Variants in SPATA17 observed in about 807,000 individuals in gnomAD.
SPATA17 encodes the protein spermatogenesis-associated protein 17.
A neutral mutation model predicts 62.2 loss-of-function variants in SPATA17; 53 were observed. The observed-to-expected ratio is 0.85, with a 90% CI of 0.68 to 1.07. The LOEUF (loss-of-function observed/expected upper bound fraction) is 1.07. SPATA17 is among the 50% of genes least tolerant of loss of function. The pLI, the probability that SPATA17 is intolerant of heterozygous loss-of-function variation, is 0.00. For missense variants in SPATA17, 466 were observed against 425.5 expected (o/e 1.10, Z -0.84); for synonymous variants, 146 against 146.8 (o/e 0.99, Z 0.04).
chr1:217,700,306 A>G (rs944154987), intron 5 of SPATA17, among the ~76,000 whole-genome samples: 1 of 152,080 alleles, frequency 6.6e-6, no homozygotes, highest in Admixed American at 6.5e-5. Context: ...GATATTGTAC[A>G]TGTGTGTTGT....
chr1:217,723,431 A>G (rs1672186140), intron 5 of SPATA17, among the ~76,000 whole-genome samples: 1 of 152,092 alleles, frequency 6.6e-6, no homozygotes, highest in Admixed American at 6.6e-5. Flanking sequence ...CCTAACCCCC[A>G]ATCATCCCAC....
rs190128668 is a variant in SPATA17 at position 217,730,363 on chromosome 1, C to T, written c.396-11612C>T. 5.5e-3 allele frequency among the ~76,000 whole-genome samples: 833 copies of T among 151,846 alleles called. 4 individuals are homozygous for T. Among genetic ancestry groups the T allele is most frequent in the South Asian group, 0.011 (54 of 4,808 alleles). ...CTCAGAGTACCTGGGATTACAGGCA[C>T]GCACCACCACACCTGGCTTAGTTTT... On this transcript the variant is annotated intron_variant, in intron 5 of 10. Coordinates refer to ENST00000366933, the MANE Select transcript of SPATA17 (RefSeq NM_138796.4).
intron 5 of SPATA17, among the ~76,000 whole-genome samples, chr1:217,706,720 T>C (rs1424176557): frequency 1.3e-5 from 2 of 152,194 alleles, no homozygotes; most frequent in African/African-American, 4.8e-5. Context: ...TAATACACTA[T>C]CCGTGAGCAT....
chr1:217,856,299 C>T (rs1375179101), intron 9 of SPATA17, among the ~76,000 whole-genome samples: 1 of 152,174 alleles, frequency 6.6e-6, no homozygotes, highest in Admixed American at 6.5e-5. Context: ...AATTGCTTCA[C>T]ATGGATAAAC....
At chr1:217,848,773 T>C (rs1014189414) in intron 9 of SPATA17, among the ~76,000 whole-genome samples, 1 of 152,164 alleles carries the variant, frequency 6.6e-6, no homozygotes, top group African/African-American at 2.4e-5. Flanking sequence ...CTAATTCTTT[T>C]TTCTTTGTTT....
At chr1:217,652,537 C>CT (rs975975953) in intron 3 of SPATA17, among the ~76,000 whole-genome samples, 9 of 149,700 alleles carry the variant, frequency 6.0e-5, no homozygotes, top group African/African-American at 1.2e-4. Context: ...CCCGGCCAAA[C>CT]TTTTTTTTTT....
chr1:217,829,186 A>T (rs534767788), intron 9 of SPATA17, among the ~76,000 whole-genome samples: 7 of 152,272 alleles, frequency 4.6e-5, no homozygotes, highest in African/African-American at 1.7e-4. Flanking sequence ...ATATGGAAAC[A>T]ACCTAAATGT....
intron 9 of SPATA17, among the ~76,000 whole-genome samples, chr1:217,855,721 A>G (rs905556564): frequency 7.6e-6 from 1 of 132,136 alleles, no homozygotes. Context: ...AGAAAGACAG[A>G]AGGAACTATT....
chr1:217,645,094 A>G (rs903130854), intron 1 of SPATA17, among the ~76,000 whole-genome samples: 8 of 152,122 alleles, frequency 5.3e-5, no homozygotes, highest in Middle Eastern at 3.2e-3. Context: ...AGAAACATGT[A>G]TAGAAGTCAA....
At chr1:217,632,850 C>A (rs1396670463) in intron 1 of SPATA17, among the ~76,000 whole-genome samples, 2 of 152,102 alleles carry the variant, frequency 1.3e-5, no homozygotes, top group Non-Finnish European at 2.9e-5. Flanking sequence ...ATGAAATAAG[C>A]CCCATCCATC....
At position 217,777,432 on chromosome 1, in the gene SPATA17, C is replaced by T. The variant is rs528731413; in HGVS notation, c.723+2895C>T. Among the ~76,000 whole-genome samples the T allele has an allele frequency of 5.4e-4, 82 of 152,128 alleles. 1 individual carries two copies. Among genetic ancestry groups the T allele is most frequent in the Middle Eastern group, 6.8e-3 (2 of 294 alleles). On this transcript the variant is annotated intron_variant, in intron 7 of 10. Transcript: ENST00000366933. ...GTATTCTTTTTTTGAGATGGTGTCTCGCTGTGTTGCCCATGCTGGAGTGCA... is the reference window on the plus strand; with the variant it reads ...GTATTCTTTTTTTGAGATGGTGTCTTGCTGTGTTGCCCATGCTGGAGTGCA...
At chr1:217,714,142 C>G (rs906456453) in intron 5 of SPATA17, among the ~76,000 whole-genome samples, 11 of 152,100 alleles carry the variant, frequency 7.2e-5, no homozygotes, top group Non-Finnish European at 1.3e-4. Context: ...AATCCCAGCA[C>G]TTTGGGAGGC....
chr1:217,812,523 A>G (rs574350837), intron 9 of SPATA17, among the ~76,000 whole-genome samples: 1 of 152,236 alleles, frequency 6.6e-6, no homozygotes, highest in South Asian at 2.1e-4. Flanking sequence ...TCTATTTGCA[A>G]ACTGCGCAAG....
intron 5 of SPATA17, among the ~76,000 whole-genome samples, chr1:217,729,428 G>T (rs377553760): frequency 3.9e-5 from 6 of 152,060 alleles, no homozygotes; most frequent in African/African-American, 1.2e-4. Flanking sequence ...ATAATATTAC[G>T]ATCTCAGCCA....
chr1:217,811,379 A>T, intron 9 of SPATA17, among the ~76,000 whole-genome samples: 1 of 152,160 alleles, frequency 6.6e-6, no homozygotes, highest in Non-Finnish European at 1.5e-5. Context: ...CCTACTCCAT[A>T]CAAAACCATG....
chr1:217,747,109 G>T (rs1672777108), intron 6 of SPATA17, among the ~76,000 whole-genome samples: 1 of 152,078 alleles, frequency 6.6e-6, no homozygotes, highest in Non-Finnish European at 1.5e-5. Flanking sequence ...ATGAAAGGAA[G>T]ACTAATTTTG....
chr1:217,708,528 C>T (rs962978336), intron 5 of SPATA17, among the ~76,000 whole-genome samples: 1 of 151,966 alleles, frequency 6.6e-6, no homozygotes, highest in Admixed American at 6.6e-5. Flanking sequence ...CTGAACAGAC[C>T]AATAATGAGT....
intron 6 of SPATA17, among the ~76,000 whole-genome samples, chr1:217,752,474 T>G (rs1672939413): frequency 6.6e-6 from 1 of 152,228 alleles, no homozygotes. Context: ...GTTTTCTATG[T>G]TTTGACTTCA....
At chr1:217,842,835 T>A (rs1263181967) in intron 9 of SPATA17, among the ~76,000 whole-genome samples, 2 of 152,106 alleles carry the variant, frequency 1.3e-5, no homozygotes, top group African/African-American at 4.8e-5. Flanking sequence ...AAAATGGATA[T>A]TTAAATGATT....
Sources: allele counts gnomAD v4.1 joint callset (sites outside exome capture counted in the v4.1 genomes callset), GRCh38; gene constraint gnomAD v4.1.1; transcripts MANE v1.5; gene names NCBI Gene and HGNC (gene_info 2026-07-23, HGNC 2026-07-21).